Variants in METTL25 observed in about 807,000 individuals in gnomAD.
METTL25 encodes the protein probable methyltransferase-like protein 25.
METTL25 carries 64 observed loss-of-function variants against 71.6 expected under a neutral mutation model. The ratio of observed to expected loss-of-function variants is 0.89; its 90% CI spans 0.73 to 1.10. The LOEUF (loss-of-function observed/expected upper bound fraction) is 1.10. Among genes scored for constraint, METTL25 ranks in the 50% least tolerant of loss-of-function variants. METTL25 has a pLI of 0.00. For missense variants in METTL25, 807 were observed against 707.0 expected, an observed-to-expected ratio of 1.14 and a Z score of -1.60; for synonymous variants, 287 against 250.3, an observed-to-expected ratio of 1.15 and a Z score of -1.38.
chr12:82,415,724 TG>T (rs1887928887), intron 5 of METTL25, among the ~76,000 whole-genome samples: 1 of 152,146 alleles, frequency 6.6e-6, no homozygotes, highest in African/African-American at 2.4e-5. Flanking sequence ...AGACCCTCAA[TG>T]GGTTTGATGA....
intron 7 of METTL25, among the ~76,000 whole-genome samples, chr12:82,437,883 A>C (rs1439618190): frequency 6.6e-6 from 1 of 151,534 alleles, no homozygotes; most frequent in Non-Finnish European, 1.5e-5. Context: ...GTTGTTGCTG[A>C]CATTATTTTG....
intron 1 of METTL25, among the ~76,000 whole-genome samples, chr12:82,369,245 C>A (rs1882927388): frequency 6.6e-6 from 1 of 152,186 alleles, no homozygotes; most frequent in Admixed American, 6.5e-5. Flanking sequence ...AGCACTTAGT[C>A]CACTGTGTTA....
intron 1 of METTL25, among the ~76,000 whole-genome samples, chr12:82,368,162 G>A (rs1428869620): frequency 6.6e-6 from 1 of 151,930 alleles, no homozygotes; most frequent in African/African-American, 2.4e-5. Flanking sequence ...CTGATTAGCT[G>A]TGTTATCTTG....
At chr12:82,392,217 C>T (rs1412183789) in intron 3 of METTL25, among the ~76,000 whole-genome samples, 3 of 150,850 alleles carry the variant, frequency 2.0e-5, no homozygotes, top group East Asian at 2.0e-4. Flanking sequence ...AACTCGTCAT[C>T]TAGCATTAGG....
chr12:82,476,559 A>C, intron 9 of METTL25, 85 bp from the exon 10 acceptor site: 1 of 852,386 alleles, frequency 1.2e-6, no homozygotes, highest in South Asian at 1.5e-5. Context: ...AATTGATGTC[A>C]TGTTTATTTT....
At chr12:82,362,334 T>C (rs2136793895) in intron 1 of METTL25, among the ~76,000 whole-genome samples, 1 of 152,370 alleles carries the variant, frequency 6.6e-6, no homozygotes, top group African/African-American at 2.4e-5. Context: ...CAGCACTTAG[T>C]AGCTGTGCTA....
chr12:82,410,382 A>C (rs1295180119), intron 5 of METTL25, among the ~76,000 whole-genome samples: 2 of 152,162 alleles, frequency 1.3e-5, no homozygotes. Flanking sequence ...AATATTTTCT[A>C]TCTCATACAA....
At chr12:82,432,042 A>T (rs1282924862) in intron 6 of METTL25, among the ~76,000 whole-genome samples, 1 of 151,734 alleles carries the variant, frequency 6.6e-6, no homozygotes, top group Admixed American at 6.6e-5. Context: ...GTCTATATAT[A>T]TATAAACATC....
intron 1 of METTL25, 146 bp from the exon 2 acceptor site, chr12:82,386,657 G>A (rs1370904826): frequency 3.2e-6 from 2 of 618,118 alleles, no homozygotes; most frequent in Non-Finnish European, 5.6e-6. Context: ...TATAAATGGA[G>A]CCATTAGATA....
chr12:82,465,433 T>C (rs1245671946), intron 9 of METTL25, among the ~76,000 whole-genome samples: 1 of 152,050 alleles, frequency 6.6e-6, no homozygotes, highest in African/African-American at 2.4e-5. Flanking sequence ...GAAGCAGCCA[T>C]GCATTCCTGA....
chr12:82,397,203 C>T (rs1401400364), intron 3 of METTL25, among the ~76,000 whole-genome samples: 10 of 152,020 alleles, frequency 6.6e-5, no homozygotes, highest in African/African-American at 1.9e-4. Flanking sequence ...TTTACATCTG[C>T]GTACATCTCA....
chr12:82,462,439 C>T (rs1891946332), intron 9 of METTL25, among the ~76,000 whole-genome samples: 1 of 152,076 alleles, frequency 6.6e-6, no homozygotes, highest in African/African-American at 2.4e-5. Context: ...TTTCCAGCTT[C>T]TGCATATGTG....
intron 5 of METTL25, among the ~76,000 whole-genome samples, chr12:82,422,503 T>G (rs1260073033): frequency 6.6e-6 from 1 of 152,164 alleles, no homozygotes; most frequent in Non-Finnish European, 1.5e-5. Context: ...GGATGCCCTC[T>G]CTCACCACTC....
chr12:82,475,763 T>C (rs1892845335), intron 9 of METTL25, among the ~76,000 whole-genome samples: 2 of 152,180 alleles, frequency 1.3e-5, no homozygotes, highest in Non-Finnish European at 2.9e-5. Context: ...TAATACTTAT[T>C]TATATGATAG....
intron 8 of METTL25, chr12:82,451,335 GC>G: frequency 1.2e-5 from 10 of 826,686 alleles, no homozygotes; most frequent in Non-Finnish European, 1.2e-5. Context: ...AAGCACAGGA[GC>G]TCTACTGCCT....
intron 5 of METTL25, among the ~76,000 whole-genome samples, chr12:82,413,822 T>A (rs1391772659): frequency 6.6e-6 from 1 of 151,916 alleles, no homozygotes; most frequent in African/African-American, 2.4e-5. Context: ...ATAAATACTC[T>A]ACTTTCCTGC....
chr12:82,440,411 ATTCTT>A (rs919342521), intron 8 of METTL25, among the ~76,000 whole-genome samples: 8 of 151,970 alleles, frequency 5.3e-5, no homozygotes, highest in South Asian at 2.1e-4. Context: ...CACCAATTCT[ATTCTT>A]TTCTTCTTTC....
chr12:82,447,465 A>G (rs760296075), intron 8 of METTL25, among the ~76,000 whole-genome samples: 2 of 152,218 alleles, frequency 1.3e-5, no homozygotes, highest in Non-Finnish European at 2.9e-5. Context: ...TCTTGTGAAT[A>G]TAATTTTAAC....
intron 3 of METTL25, among the ~76,000 whole-genome samples, chr12:82,391,558 A>G (rs112543863): frequency 1.2e-5 from 1 of 80,878 alleles, no homozygotes; most frequent in African/African-American, 4.7e-5. Context: ...GTGTGTGTGT[A>G]TAAATGTTAT....
Sources: gnomAD v4.1 joint callset for allele counts (sites outside exome capture counted in the v4.1 genomes callset) on GRCh38, gnomAD v4.1.1 for gene constraint, MANE v1.5 for transcripts, NCBI Gene and HGNC (gene_info 2026-07-23, HGNC 2026-07-21) for gene names.